Variants in CFAP43 observed in about 807,000 individuals in gnomAD.
The protein encoded by CFAP43 is cilia and flagella associated protein 43.
CFAP43 carries 155 observed loss-of-function variants against 218.9 expected under a neutral mutation model. That is an observed-to-expected ratio of 0.71 (90% CI 0.62 to 0.81). The LOEUF is 0.81. CFAP43 is among the 30% of genes least tolerant of loss of function. The probability of loss-of-function intolerance (pLI) is 0.00; values close to 1 mark genes in which losing one functional copy is unlikely to be tolerated. For synonymous variants in CFAP43, 645 were observed against 681.3 expected (o/e 0.95, Z 0.83); for missense variants, 1,778 against 1,954.3 (o/e 0.91, Z 1.70).
At chr10:104,145,605 G>A in intron 30 of CFAP43, 41 bp from the exon 31 acceptor site, 1 of 1,378,012 alleles carries the variant, frequency 7.3e-7, no homozygotes, top group African/African-American at 1.6e-5. Context: ...AACTTGGTTT[G>A]GAAACCTTTT....
Position 104,157,189 on chromosome 10 carries a change from G to C in CFAP43, c.3540+3848C>G, listed in dbSNP as rs61399385. 6.4e-4 allele frequency among the ~76,000 whole-genome samples: 97 copies of C among 152,338 alleles called. 2 individuals carry two copies. The East Asian group carries it at 0.018, about 29-fold the overall frequency. On this transcript the variant is annotated intron_variant, in intron 27 of 37. Coordinates refer to ENST00000357060, the MANE Select transcript of CFAP43 (RefSeq NM_025145.7). ...TAGCTGATACTTTGTAGAGAACAAAGTGGTTTCCCACAGGGGAGTCTTTCC... is the reference window on the plus strand; with the variant it reads ...TAGCTGATACTTTGTAGAGAACAAACTGGTTTCCCACAGGGGAGTCTTTCC...
chr10:104,164,732 T>C (rs1300462016), intron 23 of CFAP43, among the ~76,000 whole-genome samples: 1 of 152,202 alleles, frequency 6.6e-6, no homozygotes, highest in East Asian at 1.9e-4. Context: ...AAAATGAATC[T>C]TTCTAGAATA....
chr10:104,161,289 A>G, intron 26 of CFAP43, 127 bp from the exon 27 acceptor site: 1 of 992,496 alleles, frequency 1.0e-6, no homozygotes, highest in Non-Finnish European at 1.4e-6. Flanking sequence ...AAGGAAAACG[A>G]CCTGACATCT....
chr10:104,229,408 T>C (rs1294185068), intron 2 of CFAP43, among the ~76,000 whole-genome samples: 1 of 151,732 alleles, frequency 6.6e-6, no homozygotes, highest in Non-Finnish European at 1.5e-5. Flanking sequence ...ATCCCAGCAC[T>C]TTGGGAGGCG....
chr10:104,226,502 T>C (rs556299481), intron 2 of CFAP43, among the ~76,000 whole-genome samples: 1 of 152,216 alleles, frequency 6.6e-6, no homozygotes, highest in South Asian at 2.1e-4. Context: ...CCCCCCACAA[T>C]TGAAGATGAC....
At chr10:104,186,485 C>T (rs2090034812) in intron 14 of CFAP43, among the ~76,000 whole-genome samples, 1 of 152,076 alleles carries the variant, frequency 6.6e-6, no homozygotes, top group Admixed American at 6.6e-5. Context: ...TTCATGCATT[C>T]CTACCTCCAA....
intron 23 of CFAP43, among the ~76,000 whole-genome samples, chr10:104,165,734 A>C (rs2089121266): frequency 6.6e-6 from 1 of 152,196 alleles, no homozygotes; most frequent in Non-Finnish European, 1.5e-5. Flanking sequence ...GGACCCCAAC[A>C]CCTTGTCCTC....
chr10:104,197,000 C>T, intron 9 of CFAP43, 67 bp from the exon 10 acceptor site: 1 of 1,282,636 alleles, frequency 7.8e-7, no homozygotes. Flanking sequence ...CATGTTCTAC[C>T]TCCCTTTCCA....
intron 4 of CFAP43, among the ~76,000 whole-genome samples, chr10:104,213,422 A>G (rs1444837439): frequency 6.6e-6 from 1 of 152,168 alleles, no homozygotes; most frequent in East Asian, 1.9e-4. Flanking sequence ...CATTATCACC[A>G]CGGCATTTGT....
Position 104,130,135 on chromosome 10 carries a change from G to T in CFAP43, c.*4C>A. 2 of 1,567,674 alleles carry T rather than the reference G, an allele frequency of 1.3e-6. No individual in the cohort carries two copies. Among genetic ancestry groups the T allele is most frequent in the Non-Finnish European group, 1.7e-6 (2 of 1,161,046 alleles). On this transcript the variant is annotated 3_prime_UTR_variant, in exon 38 of 38. Coordinates refer to ENST00000357060, the MANE Select transcript of CFAP43 (RefSeq NM_025145.7). Reference sequence around the variant, plus strand: ...TTTGGCCTTGTGTTTTCCTGCCAGCGTTTTTACATTTGAACAAGAGCAGGA... The same window carrying T: ...TTTGGCCTTGTGTTTTCCTGCCAGCTTTTTTACATTTGAACAAGAGCAGGA...
chr10:104,161,907 A>C, intron 26 of CFAP43, 54 bp downstream of exon 26: 1 of 1,538,566 alleles, frequency 6.5e-7, no homozygotes, highest in Non-Finnish European at 8.8e-7. Context: ...GGTAAAACTT[A>C]AGTAGCTCTT....
chr10:104,164,375 T>C (rs2134821836), intron 23 of CFAP43, 75 bp from the exon 24 acceptor site: 1 of 1,194,152 alleles, frequency 8.4e-7, no homozygotes, highest in Non-Finnish European at 1.2e-6. Flanking sequence ...ACAATTATAC[T>C]TTCCCTCTAA....
chr10:104,130,358 C>A (rs2134718778), intron 37 of CFAP43, 53 bp from the exon 38 acceptor site: 1 of 1,564,412 alleles, frequency 6.4e-7, no homozygotes, highest in East Asian at 2.3e-5. Context: ...CTTTCAAATA[C>A]AGAAGCAGCA....
At chr10:104,167,180 T>A (rs1564746081) in intron 22 of CFAP43, among the ~76,000 whole-genome samples, 2 of 152,144 alleles carry the variant, frequency 1.3e-5, no homozygotes, top group Non-Finnish European at 2.9e-5. Context: ...AAGGGCAGTG[T>A]TTTTTTAGTG....
Position 104,168,733 on chromosome 10 carries a change from C to G in CFAP43, c.2691+11G>C. On this transcript the variant is annotated intron_variant, in intron 21 of 37. Coordinates refer to ENST00000357060, the MANE Select transcript of CFAP43 (RefSeq NM_025145.7). Reference sequence around the variant, plus strand: ...CTCATCAGGTTTTGTACCTAGGGTTCTATCTGTTACCTTAAGAGCTCGACC... The same window carrying G: ...CTCATCAGGTTTTGTACCTAGGGTTGTATCTGTTACCTTAAGAGCTCGACC... 4 of 1,606,000 alleles carry G rather than the reference C, an allele frequency of 2.5e-6. No homozygotes were observed. The highest frequency in any genetic ancestry group is 2.6e-6 in the Non-Finnish European group (3 of 1,172,726).
intron 19 of CFAP43, among the ~76,000 whole-genome samples, chr10:104,177,903 G>A: frequency 6.6e-6 from 1 of 152,140 alleles, no homozygotes; most frequent in East Asian, 1.9e-4. Flanking sequence ...CACATTTTAA[G>A]AAAAACCACA....
intron 3 of CFAP43, 40 bp from the exon 4 acceptor site, chr10:104,214,466 G>T: frequency 2.0e-6 from 3 of 1,478,440 alleles, no homozygotes; most frequent in South Asian, 2.7e-5. Flanking sequence ...AAGTTCATTT[G>T]AATTTCATGT....
intron 31 of CFAP43, 93 bp from the exon 32 acceptor site, chr10:104,143,732 T>C: frequency 8.5e-7 from 1 of 1,173,020 alleles, no homozygotes; most frequent in Middle Eastern, 2.5e-4. Flanking sequence ...CATAACACAT[T>C]GTATGGCTCT....
chr10:104,196,907 A>G lies in CFAP43; in HGVS notation c.1239T>C (p.Cys413=). ...AAGCACAATCCTCCAGCCACCAAAC[A>G]CAAATTTCCCCTGAATATGTAAGTG... ...FMTLTYSGEI[C]VWWLEDCACV... is the part of the protein sequence containing the mutation. The change falls in exon 10 of 38, where the codon TGT becomes TGC. Residue 413 remains cysteine (C), a synonymous_variant. Transcript: ENST00000357060. The G allele has an allele frequency of 6.2e-7, 1 of 1,613,424 alleles. No homozygotes were observed. Among genetic ancestry groups the G allele is most frequent in the Non-Finnish European group, 8.5e-7 (1 of 1,179,736 alleles).
Sources: allele counts gnomAD v4.1 joint callset (sites outside exome capture counted in the v4.1 genomes callset), GRCh38; gene constraint gnomAD v4.1.1; transcripts MANE v1.5; gene names NCBI Gene and HGNC (gene_info 2026-07-23, HGNC 2026-07-21).